The following TWIST2 variants were observed in gnomAD, a reference collection of about 807,000 sequenced individuals.
The protein encoded by TWIST2 is twist-related protein 2.
In TWIST2, 1 loss-of-function variant was observed where a neutral mutation model predicts 11.6. The observed-to-expected ratio is 0.09, with a 90% CI of 0.03 to 0.41. The LOEUF is 0.41. TWIST2 is among the 10% of genes least tolerant of loss of function. TWIST2 has a pLI of 0.98. For missense variants in TWIST2, 168 were observed against 226.4 expected (o/e 0.74, Z 1.66); for synonymous variants, 87 against 96.6 (o/e 0.90, Z 0.58).
chr2:238,908,979 T>C (rs1235338468), intron 1 of TWIST2, among the ~76,000 whole-genome samples: 23,908 of 108,108 alleles, frequency 0.22, 537 homozygotes, highest in Middle Eastern at 0.33. Flanking sequence ...GTGCGGGGTG[T>C]GTGTAGTGTG....
intron 1 of TWIST2, among the ~76,000 whole-genome samples, chr2:238,886,498 C>T (rs1693040741): frequency 6.6e-6 from 1 of 152,002 alleles, no homozygotes; most frequent in Non-Finnish European, 1.5e-5. Context: ...AAGATGAGCC[C>T]ATGTGTACGT....
rs144278880 is a variant in TWIST2 at position 238,890,935 on chromosome 2, C to T, written c.*36-18907C>T. Among the ~76,000 whole-genome samples, 1,196 of 152,246 alleles carry T rather than the reference C, an allele frequency of 7.9e-3. 12 individuals are homozygous for T. The highest frequency in any genetic ancestry group is 0.01 in the Non-Finnish European group (684 of 68,018). Reference sequence around the variant, plus strand: ...GACTCCTTAAAGTTCTCAGATGCCACGGGGTAGTCTCACCTGCACCCCGGG... The same window carrying T: ...GACTCCTTAAAGTTCTCAGATGCCATGGGGTAGTCTCACCTGCACCCCGGG... On this transcript the variant is annotated intron_variant, in intron 1 of 1. Transcript: ENST00000612363.
intron 1 of TWIST2, among the ~76,000 whole-genome samples, chr2:238,862,239 A>G (rs1692448325): frequency 6.6e-6 from 1 of 152,250 alleles, no homozygotes; most frequent in African/African-American, 2.4e-5. Context: ...GCAAAATAAT[A>G]ACTCACTAAA....
At chr2:238,896,227 C>T (rs926063303) in intron 1 of TWIST2, among the ~76,000 whole-genome samples, 2,360 of 152,288 alleles carry the variant, frequency 0.015, 51 homozygotes, top group African/African-American at 0.054. Context: ...CAGACCCTGA[C>T]GGCGAACGCC....
In TWIST2 at chr2:238,910,421, C is replaced by A. The variant is rs373407705; in HGVS notation, c.*615C>A. The A allele has an allele frequency of 6.6e-6, 1 of 152,192 alleles. No individual in the cohort carries two copies. Among genetic ancestry groups the A allele is most frequent in the East Asian group, 1.9e-4 (1 of 5,166 alleles). The allele number at this position is 152,192 out of a possible 1,614,324, so 9.4% of individuals were successfully genotyped here. ...CATTTAAAAAAAAATATTCTCTGTT[C>A]AGTGTATATGTTGCTTGTTTGTTTT... is the stretch of plus-strand genomic sequence containing the variant. On this transcript the variant is annotated 3_prime_UTR_variant, in exon 2 of 2. Coordinates refer to ENST00000612363, the MANE Select transcript of TWIST2 (RefSeq NM_001271893.4).
rs1692552755 is a variant in TWIST2 at position 238,867,041 on chromosome 2, T to C, written c.*35+18308T>C. On this transcript the variant is annotated intron_variant, in intron 1 of 1. Transcript: ENST00000612363. The surrounding 1 kb of genome is among the most constrained non-coding windows in gnomAD (Gnocchi z 4.8). ...TTTCTGTGCATCTGTGATTTACAATTCCCTGGCTGCCTTCCAAGCAGAACG... is the reference window on the plus strand; with the variant it reads ...TTTCTGTGCATCTGTGATTTACAATCCCCTGGCTGCCTTCCAAGCAGAACG... Among the ~76,000 whole-genome samples, 1 of 152,136 alleles carries C rather than the reference T, an allele frequency of 6.6e-6. No homozygotes were observed. The highest frequency in any genetic ancestry group is 1.5e-5 in the Non-Finnish European group (1 of 68,040).
chr2:238,870,576 CA>C lies in TWIST2; in HGVS notation c.*35+21844del, dbSNP rs1559274209. On this transcript the variant is annotated intron_variant, in intron 1 of 1. Coordinates refer to ENST00000612363, the MANE Select transcript of TWIST2 (RefSeq NM_001271893.4). ...CCCACACACACCACACACCACACAC[CA>C]CACACACACACCACACACCCCACAC... Among the ~76,000 whole-genome samples the C allele has an allele frequency of 1.3e-3, 66 of 51,140 alleles. 13 individuals are homozygous for C. Among genetic ancestry groups the C allele is most frequent in the Middle Eastern group, 0.016 (1 of 62 alleles). The allele number at this position is 51,140 out of a possible 152,430, so 33.5% of individuals were successfully genotyped here. A position where few individuals can be genotyped will look rare whatever the true frequency, so the allele number is the denominator to read the frequency against.
Position 238,864,214 on chromosome 2 carries a change from G to C in TWIST2, c.*35+15481G>C, listed in dbSNP as rs2106354087. 6.6e-6 allele frequency among the ~76,000 whole-genome samples: 1 copy of C among 152,240 alleles called. No individual in the cohort carries two copies. ...GGCTGGAGGTGAGGGGGGACCTCTCGGGCTGTGCCGTGGTATCCTCTCTTC... is the reference window on the plus strand; with the variant it reads ...GGCTGGAGGTGAGGGGGGACCTCTCCGGCTGTGCCGTGGTATCCTCTCTTC... On this transcript the variant is annotated intron_variant, in intron 1 of 1. Transcript: ENST00000612363. The surrounding 1 kb of genome is among the most constrained non-coding windows in gnomAD (Gnocchi z 4.7).
chr2:238,871,397 ACCACACACC>A (rs1559274995), intron 1 of TWIST2, among the ~76,000 whole-genome samples: 1 of 58,476 alleles, frequency 1.7e-5, no homozygotes, highest in Non-Finnish European at 3.3e-5. Flanking sequence ...CCATGCACAC[ACCACACACC>A]CCACACACAC....
chr2:238,906,773 T>C (rs1693361297), intron 1 of TWIST2, among the ~76,000 whole-genome samples: 1 of 152,152 alleles, frequency 6.6e-6, no homozygotes, highest in South Asian at 2.1e-4. Flanking sequence ...ATCCTCACGG[T>C]GACCCCTCTC....
intron 1 of TWIST2, among the ~76,000 whole-genome samples, chr2:238,880,122 CGTTA>C (rs1173415471): frequency 3.5e-5 from 5 of 142,752 alleles, no homozygotes; most frequent in Non-Finnish European, 6.0e-5. Flanking sequence ...CTCGTGCTAG[CGTTA>C]GTATTAGTGT....
In TWIST2 at chr2:238,864,511, G is replaced by A. The variant is rs930524438; in HGVS notation, c.*35+15778G>A. The stretch of plus-strand genomic sequence containing the variant: ...TGGAGCAGAGTGCAGGGTTGGAGGC[G>A]GCTCCCAGTTCCAAGGCGCGCCCCA... On this transcript the variant is annotated intron_variant, in intron 1 of 1. Transcript: ENST00000612363. This position sits in a 1 kb window ranked among gnomAD's most constrained non-coding sequence, Gnocchi z 4.7. Among the ~76,000 whole-genome samples the A allele has an allele frequency of 6.6e-6, 1 of 151,526 alleles. No individual in the cohort carries two copies. The highest frequency in any genetic ancestry group is 6.6e-5 in the Admixed American group (1 of 15,236).
At chr2:238,852,715 G>C (rs1432891091) in intron 1 of TWIST2, among the ~76,000 whole-genome samples, 5 of 152,030 alleles carry the variant, frequency 3.3e-5, no homozygotes, top group Admixed American at 2.0e-4. Context: ...ATGTAAAACT[G>C]GTGAAATCTG....
At chr2:238,892,997 TC>T (rs1312266877) in intron 1 of TWIST2, among the ~76,000 whole-genome samples, 1 of 152,154 alleles carries the variant, frequency 6.6e-6, no homozygotes, top group East Asian at 1.9e-4. Flanking sequence ...AAAAGGCCTG[TC>T]CCTGTTGCAG....
At chr2:238,905,948 C>CAGGTGT (rs1693344634) in intron 1 of TWIST2, among the ~76,000 whole-genome samples, 3 of 110,378 alleles carry the variant, frequency 2.7e-5, no homozygotes, top group Non-Finnish European at 6.1e-5. Flanking sequence ...TGTGTGCGCG[C>CAGGTGT]GCGTGTGTAC....
At chr2:238,873,570 G>A (rs889617771) in intron 1 of TWIST2, among the ~76,000 whole-genome samples, 1 of 152,162 alleles carries the variant, frequency 6.6e-6, no homozygotes, top group Non-Finnish European at 1.5e-5. Flanking sequence ...CAAGAGCTAC[G>A]GGGTCCTGCT....
chr2:238,876,284 G>A (rs555856779), intron 1 of TWIST2, among the ~76,000 whole-genome samples: 2 of 152,200 alleles, frequency 1.3e-5, no homozygotes, highest in Non-Finnish European at 2.9e-5. Context: ...TACTCCTAAG[G>A]AGTTTGAAAT....
At chr2:238,905,866 CG>C (rs1693335014) in intron 1 of TWIST2, among the ~76,000 whole-genome samples, 1 of 116,490 alleles carries the variant, frequency 8.6e-6, no homozygotes, top group African/African-American at 3.9e-5. Context: ...CGTGTGTGTG[CG>C]TGCGTGTGTG....
intron 1 of TWIST2, among the ~76,000 whole-genome samples, chr2:238,882,212 C>A (rs2106365405): frequency 6.6e-6 from 1 of 152,292 alleles, no homozygotes; most frequent in East Asian, 1.9e-4. Flanking sequence ...TTTCCCTCCT[C>A]TCCCAGCAGC....
Sources: allele counts gnomAD v4.1 joint callset (sites outside exome capture counted in the v4.1 genomes callset), GRCh38; gene constraint gnomAD v4.1.1; non-coding constraint Gnocchi (gnomAD v3.1); transcripts MANE v1.5; gene names NCBI Gene and HGNC (gene_info 2026-07-23, HGNC 2026-07-21).